TLK2: variants seen among roughly 807,000 people sequenced by gnomAD.
TLK2 encodes serine/threonine-protein kinase tousled-like 2.
TLK2 carries 6 observed loss-of-function variants against 117.3 expected under a neutral mutation model. That is an observed-to-expected ratio of 0.05 (90% CI 0.03 to 0.10). The LOEUF is 0.10. Among genes scored for constraint, TLK2 ranks in the 10% least tolerant of loss-of-function variants. The pLI, the probability that TLK2 is intolerant of heterozygous loss-of-function variation, is 1.00. For synonymous variants in TLK2, 257 were observed against 316.7 expected, an observed-to-expected ratio of 0.81 and a Z score of 2.00; for missense variants, 299 against 901.2, an observed-to-expected ratio of 0.33 and a Z score of 8.56.
intron 16 of TLK2, among the ~76,000 whole-genome samples, chr17:62,594,785 C>G (rs927416087): frequency 3.6e-4 from 49 of 136,170 alleles, no homozygotes; most frequent in African/African-American, 1.4e-3. Context: ...CATTGCAGGG[C>G]GGGTACACAC....
At chr17:62,480,685 A>G (rs546345335) in intron 1 of TLK2, among the ~76,000 whole-genome samples, 3 of 152,306 alleles carry the variant, frequency 2.0e-5, no homozygotes, top group East Asian at 1.9e-4. Flanking sequence ...ATTATTGTCA[A>G]TGATTCATAT....
rs147819865 is a variant in TLK2 at position 62,571,792 on chromosome 17, T to C, written c.969-1423T>C. ...CTGCTTGTCGTTCTTCCACGAAAGA[T>C]ACTGTACTGAATCTGGAAAAGATCT... On this transcript the variant is annotated intron_variant, in intron 11 of 21. Coordinates refer to ENST00000346027, the MANE Select transcript of TLK2 (RefSeq NM_006852.6). Among the ~76,000 whole-genome samples, 198 of 152,312 alleles carry C rather than the reference T, an allele frequency of 1.3e-3. 1 individual carries two copies. In the Middle Eastern group the frequency reaches 0.014, roughly 10 times the overall value.
At position 62,493,405 on chromosome 17, in the gene TLK2, A is replaced by G. The variant is rs544115232; in HGVS notation, c.81+12199A>G. Reference sequence around the variant, plus strand: ...GATGGACCCTCGGGTTACTTTTACCATTTGGCTATTGTGAATAGTGCTATG... The same window carrying G: ...GATGGACCCTCGGGTTACTTTTACCGTTTGGCTATTGTGAATAGTGCTATG... On this transcript the variant is annotated intron_variant, in intron 2 of 21. Coordinates refer to ENST00000346027, the MANE Select transcript of TLK2 (RefSeq NM_006852.6). Among the ~76,000 whole-genome samples the G allele has an allele frequency of 2.6e-5, 4 of 152,106 alleles. No homozygotes were observed. The South Asian group carries it at 8.3e-4, about 32-fold the overall frequency.
At chr17:62,494,375 GC>G (rs2073430433) in intron 2 of TLK2, among the ~76,000 whole-genome samples, 1 of 152,100 alleles carries the variant, frequency 6.6e-6, no homozygotes, top group Non-Finnish European at 1.5e-5. Context: ...CAGCCACCAT[GC>G]CCAGCCAGAA....
chr17:62,569,618 T>C (rs975969868), intron 11 of TLK2, among the ~76,000 whole-genome samples: 2 of 151,832 alleles, frequency 1.3e-5, no homozygotes, highest in African/African-American at 4.8e-5. Context: ...GTATTTTTAG[T>C]AGAGACGAGG....
chr17:62,517,210 A>G (rs2075672208), intron 2 of TLK2, among the ~76,000 whole-genome samples: 1 of 150,146 alleles, frequency 6.7e-6, no homozygotes, highest in East Asian at 2.0e-4. Context: ...AGCCTCCAGC[A>G]CCAGGTTTTG....
In TLK2 at chr17:62,576,513, A is replaced by G. The variant is rs117497580; in HGVS notation, c.1122-196A>G. Among the ~76,000 whole-genome samples, 1,063 of 152,188 alleles carry G rather than the reference A, an allele frequency of 7.0e-3. 6 individuals are homozygous for G. The highest frequency in any genetic ancestry group is 0.011 in the Non-Finnish European group (752 of 68,010). On this transcript the variant is annotated intron_variant, in intron 12 of 21. Transcript: ENST00000346027. ...TTTGCAAATTAGACTTCTGGCTTTG[A>G]AGTTCTTCCCTCACATCACATCTGG...
chr17:62,507,218 C>A (rs1259099192), intron 2 of TLK2, among the ~76,000 whole-genome samples: 1 of 151,632 alleles, frequency 6.6e-6, no homozygotes, highest in Non-Finnish European at 1.5e-5. Context: ...AGGTTGCGGT[C>A]AGCCGAGATC....
rs145103709 is a variant in TLK2, at chr17:62,606,037, A to G, written c.1860-93A>G. ...AAAAAAAAAAAAAAACGATATTTCT[A>G]TTTTCAACAAGATATTTTATTTTGT... is the stretch of plus-strand genomic sequence containing the variant. On this transcript the variant is annotated intron_variant, in intron 19 of 21. Transcript: ENST00000346027. 733 of 414,944 alleles carry G rather than the reference A, an allele frequency of 1.8e-3. 13 individuals carry two copies. The Admixed American group carries it at 0.027, about 15-fold the overall frequency. 25.7% of individuals were successfully genotyped at this position (414,944 alleles called of 1,614,324 possible).
Position 62,536,225 on chromosome 17 carries a change from C to T in TLK2, c.419C>T (p.Thr140Met), listed in dbSNP as rs540353763. Residue 140 changes from threonine to methionine, a missense_variant, in exon 7 of 22, where the codon ACG (threonine) becomes ATG (methionine). Physicochemically the swap from Thr to Met is moderately conservative, Grantham distance 81. This residue lies in a region of TLK2 where 105 missense variants were observed against 218.4 expected (regional missense o/e 0.48). Coordinates refer to ENST00000346027, the MANE Select transcript of TLK2 (RefSeq NM_006852.6). ...GLDGSAAKEA[T>M]EEQSALPTLM... is the part of the protein sequence containing the mutation. Reference sequence around the variant, plus strand: ...GATGGCAGTGCTGCAAAGGAGGCAACGGAGGAGCAGTCTGCTCTGCCAACC... The same window carrying T: ...GATGGCAGTGCTGCAAAGGAGGCAATGGAGGAGCAGTCTGCTCTGCCAACC... 9 of 1,612,848 alleles carry T rather than the reference C, an allele frequency of 5.6e-6. No homozygotes were observed. The highest frequency in any genetic ancestry group is 1.7e-5 in the Admixed American group (1 of 59,996).
intron 15 of TLK2, among the ~76,000 whole-genome samples, chr17:62,583,479 T>C (rs1376924500): frequency 1.3e-5 from 2 of 152,236 alleles, no homozygotes; most frequent in Non-Finnish European, 2.9e-5. Flanking sequence ...TAGAAGTGTA[T>C]GTAATTTTAA....
rs778940700 is a variant in TLK2 at position 62,602,196 on chromosome 17, C to T, written c.1859+16C>T. The T allele has an allele frequency of 1.9e-6, 3 of 1,611,164 alleles. No homozygotes were observed. Among genetic ancestry groups the T allele is most frequent in the Admixed American group, 1.7e-5 (1 of 59,514 alleles). On this transcript the variant is annotated intron_variant, in intron 19 of 21. Transcript: ENST00000346027. ...GTACTTATTGGTAGGTATCCAGGAGCTCTGCCAGGTTGGCTATAGAGATGT... is the reference window on the plus strand; with the variant it reads ...GTACTTATTGGTAGGTATCCAGGAGTTCTGCCAGGTTGGCTATAGAGATGT...
upstream of TLK2, among the ~76,000 whole-genome samples, chr17:62,474,357 C>G (rs983195773): frequency 1.3e-5 from 2 of 151,640 alleles, no homozygotes; most frequent in African/African-American, 4.8e-5. Flanking sequence ...GGATTACAAG[C>G]ATGAGCCACC....
chr17:62,538,544 T>G (rs1298136621), intron 7 of TLK2, among the ~76,000 whole-genome samples: 7 of 152,242 alleles, frequency 4.6e-5, no homozygotes, highest in African/African-American at 1.7e-4. Flanking sequence ...CAAGAACTTG[T>G]TCCCCTTTCC....
intron 16 of TLK2, among the ~76,000 whole-genome samples, chr17:62,594,789 T>TAC (rs143695451): frequency 0.09 from 13,060 of 145,258 alleles, 574 homozygotes; most frequent in Admixed American, 0.13. Flanking sequence ...GCAGGGCGGG[T>TAC]ACACACACAC....
chr17:62,587,338 C>T (rs980499385), intron 16 of TLK2, among the ~76,000 whole-genome samples: 8 of 152,158 alleles, frequency 5.3e-5, no homozygotes, highest in Admixed American at 2.0e-4. Context: ...AAGTCCTGCC[C>T]TTGAAAGGAG....
At chr17:62,492,323 CATTAA>C (rs1485302746) in intron 2 of TLK2, among the ~76,000 whole-genome samples, 21 of 152,008 alleles carry the variant, frequency 1.4e-4, no homozygotes, top group African/African-American at 4.1e-4. Flanking sequence ...TTGTTTTGCC[CATTAA>C]ATATACTCCG....
rs2075680524 is a variant in TLK2, at chr17:62,517,344, A to C, written c.82-3429A>C. On this transcript the variant is annotated intron_variant, in intron 2 of 21. Transcript: ENST00000346027. The stretch of plus-strand genomic sequence containing the variant: ...TTGATATCTGTCTGTCTTTAATGCC[A>C]ATACCACGATGTTTTGATTACTATA... 5.3e-5 allele frequency among the ~76,000 whole-genome samples: 8 copies of C among 152,304 alleles called. No individual in the cohort carries two copies. The South Asian group carries it at 1.4e-3, about 28-fold the overall frequency.
chr17:62,481,105 A>C lies in TLK2; in HGVS notation c.-5-16A>C. 1 of 1,613,126 alleles carries C rather than the reference A, an allele frequency of 6.2e-7. No individual in the cohort carries two copies. The highest frequency in any genetic ancestry group is 8.5e-7 in the Non-Finnish European group (1 of 1,179,364). ...TTTAGTGTTTATGGTTTCACAGCCT[A>C]CTTTTTCTTTTTCAGCAGAAATGAT... On this transcript the variant is annotated splice_polypyrimidine_tract_variant and intron_variant, in intron 1 of 21. Transcript: ENST00000346027.
Sources: gnomAD v4.1 joint callset for allele counts (sites outside exome capture counted in the v4.1 genomes callset) on GRCh38, gnomAD v4.1.1 for gene constraint, gnomAD v4.1.1 regional missense constraint, MANE v1.5 for transcripts, NCBI Gene and HGNC (gene_info 2026-07-23, HGNC 2026-07-21) for gene names.